The following MPZL1 variants were observed in gnomAD, a reference collection of about 807,000 sequenced individuals.
MPZL1 encodes myelin protein zero-like protein 1.
Under a neutral mutation model 29.3 loss-of-function variants are expected in MPZL1, and 16 were observed. The observed-to-expected ratio is 0.55, with a 90% CI of 0.37 to 0.83. The LOEUF is 0.83. Among genes scored for constraint, MPZL1 ranks in the 40% least tolerant of loss-of-function variants. The probability of loss-of-function intolerance (pLI) is 0.00; values close to 1 mark genes in which losing one functional copy is unlikely to be tolerated. For synonymous variants in MPZL1, 143 were observed against 132.0 expected (o/e 1.08, Z -0.57); for missense variants, 279 against 332.9 (o/e 0.84, Z 1.26).
intron 1 of MPZL1, among the ~76,000 whole-genome samples, chr1:167,722,575 C>T (rs968820810): frequency 6.6e-6 from 1 of 152,208 alleles, no homozygotes; most frequent in Non-Finnish European, 1.5e-5. Flanking sequence ...GCGCACCCTG[C>T]CCTCTCCTCG....
Position 167,790,410 on chromosome 1 carries a change from T to C in MPZL1, c.*2489T>C, listed in dbSNP as rs1661683932. The C allele has an allele frequency of 1.3e-5, 2 of 152,342 alleles. No individual in the cohort carries two copies. The highest frequency in any genetic ancestry group is 2.9e-5 in the Non-Finnish European group (2 of 68,156). The allele number at this position is 152,342 out of a possible 1,614,324, so 9.4% of individuals were successfully genotyped here. ...CCCCAGGCAAGGGCAGCTGCCAGCATGGTGCTCTGCCAGGACAGGTTTCCC... is the reference window on the plus strand; with the variant it reads ...CCCCAGGCAAGGGCAGCTGCCAGCACGGTGCTCTGCCAGGACAGGTTTCCC... On this transcript the variant is annotated 3_prime_UTR_variant, in exon 6 of 6. Transcript: ENST00000359523.
intron 2 of MPZL1, among the ~76,000 whole-genome samples, chr1:167,766,470 C>T (rs1661116736): frequency 6.6e-6 from 1 of 152,180 alleles, no homozygotes; most frequent in Admixed American, 6.5e-5. Context: ...GATAAGTGCT[C>T]AGGAGAGTGT....
intron 1 of MPZL1, among the ~76,000 whole-genome samples, chr1:167,741,574 C>T (rs1660526092): frequency 6.6e-6 from 1 of 151,984 alleles, no homozygotes; most frequent in Non-Finnish European, 1.5e-5. Flanking sequence ...ATCTGCTCGC[C>T]TCAGCCTCCC....
intron 1 of MPZL1, among the ~76,000 whole-genome samples, chr1:167,726,503 T>C (rs557394894): frequency 1.6e-4 from 24 of 152,344 alleles, no homozygotes; most frequent in African/African-American, 5.8e-4. Flanking sequence ...CATAGGCATG[T>C]CTTGACAACA....
chr1:167,752,517 G>C (rs906992194), intron 1 of MPZL1, among the ~76,000 whole-genome samples: 2 of 152,096 alleles, frequency 1.3e-5, no homozygotes, highest in Non-Finnish European at 2.9e-5. Flanking sequence ...ATCCCACTCA[G>C]AACTTAGGAC....
rs1164567500 is a variant in MPZL1, at chr1:167,744,869, C to T, written c.92-20714C>T. ...AAAACAGAATAATGTTTACTGTCATCAGTTTAAGAATAAATGTTGTGCTTA... is the reference window on the plus strand; with the variant it reads ...AAAACAGAATAATGTTTACTGTCATTAGTTTAAGAATAAATGTTGTGCTTA... On this transcript the variant is annotated intron_variant, in intron 1 of 5. Coordinates refer to ENST00000359523, the MANE Select transcript of MPZL1 (RefSeq NM_003953.6). Among the ~76,000 whole-genome samples, 4 of 152,120 alleles carry T rather than the reference C, an allele frequency of 2.6e-5. No individual in the cohort carries two copies. The East Asian group carries it at 7.7e-4, about 29-fold the overall frequency.
At chr1:167,763,500 CAA>C (rs199973930) in intron 1 of MPZL1, among the ~76,000 whole-genome samples, 17 of 110,962 alleles carry the variant, frequency 1.5e-4, no homozygotes, top group Non-Finnish European at 1.4e-4. Flanking sequence ...GACTCGGTCT[CAA>C]AAAAAAAAAA....
chr1:167,732,946 T>C (rs1025339432), intron 1 of MPZL1, among the ~76,000 whole-genome samples: 1 of 152,246 alleles, frequency 6.6e-6, no homozygotes, highest in Non-Finnish European at 1.5e-5. Flanking sequence ...TTGAAACTCC[T>C]TTAGAAATTT....
At chr1:167,778,150 A>G (rs1300283247) in intron 5 of MPZL1, among the ~76,000 whole-genome samples, 1 of 152,000 alleles carries the variant, frequency 6.6e-6, no homozygotes, top group East Asian at 1.9e-4. Context: ...GTGAAACCCT[A>G]TCTCTACTAA....
intron 1 of MPZL1, among the ~76,000 whole-genome samples, chr1:167,742,367 A>G (rs960398854): frequency 6.6e-6 from 1 of 152,146 alleles, no homozygotes; most frequent in Admixed American, 6.6e-5. Context: ...TAAATATATA[A>G]CAAGTATAAG....
At chr1:167,759,395 C>T (rs1404902525) in intron 1 of MPZL1, among the ~76,000 whole-genome samples, 3 of 152,140 alleles carry the variant, frequency 2.0e-5, no homozygotes, top group Admixed American at 6.5e-5. Context: ...TAAAAAAAGG[C>T]AGGGGAATGG....
chr1:167,755,179 T>A (rs956840928), intron 1 of MPZL1, among the ~76,000 whole-genome samples: 8 of 152,238 alleles, frequency 5.3e-5, no homozygotes, highest in African/African-American at 9.6e-5. Context: ...TCAGTATTTT[T>A]AAATTTTTAA....
chr1:167,756,429 A>ATTTTT (rs11455159), intron 1 of MPZL1, among the ~76,000 whole-genome samples: 1 of 94,630 alleles, frequency 1.1e-5, no homozygotes, highest in Non-Finnish European at 2.0e-5. Context: ...GTCTGGCCAG[A>ATTTTT]TTTTTTTTTT....
chr1:167,761,424 A>T (rs1214920425), intron 1 of MPZL1, among the ~76,000 whole-genome samples: 2 of 152,214 alleles, frequency 1.3e-5, no homozygotes, highest in African/African-American at 2.4e-5. Context: ...CTGGAGAGGG[A>T]TGCAGACAGA....
rs894369839 is a variant in MPZL1 at position 167,739,292 on chromosome 1, TATATATATATATATATAC to T, written c.91+17052_91+17069del. 1.2e-3 allele frequency among the ~76,000 whole-genome samples: 132 copies of T among 109,754 alleles called. 6 individuals are homozygous for T. The highest frequency in any genetic ancestry group is 5.7e-3 in the African/African-American group (98 of 17,330). 72.0% of individuals were successfully genotyped at this position (109,754 alleles called of 152,430 possible). A position where few individuals can be genotyped will look rare whatever the true frequency, so the allele number is the denominator to read the frequency against. On this transcript the variant is annotated intron_variant, in intron 1 of 5. Transcript: ENST00000359523. The stretch of plus-strand genomic sequence containing the variant: ...ATATATACATATATACATATATATA[TATATATATATATATATAC>T]ACATATATATATTTATGTTTATTCT...
At chr1:167,745,435 G>A (rs78597243) in intron 1 of MPZL1, among the ~76,000 whole-genome samples, 5,998 of 152,080 alleles carry the variant, frequency 0.039, 193 homozygotes, top group Middle Eastern at 0.11. Flanking sequence ...TTGAACACAG[G>A]GAATATCCTG....
At position 167,755,769 on chromosome 1, in the gene MPZL1, A is replaced by G. The variant is rs1462028267; in HGVS notation, c.92-9814A>G. 5.9e-5 allele frequency among the ~76,000 whole-genome samples: 9 copies of G among 152,174 alleles called. No homozygotes were observed. In the East Asian group the frequency reaches 1.7e-3, roughly 29 times the overall value. On this transcript the variant is annotated intron_variant, in intron 1 of 5. Coordinates refer to ENST00000359523, the MANE Select transcript of MPZL1 (RefSeq NM_003953.6). ...ACTTTGTGCATCCCAGGGGCCAGCC[A>G]CGGTGCTTCTGCAGCCGCACTGTAG...
intron 1 of MPZL1, among the ~76,000 whole-genome samples, chr1:167,754,059 G>T (rs1287213213): frequency 2.0e-5 from 3 of 151,930 alleles, no homozygotes; most frequent in South Asian, 2.1e-4. Flanking sequence ...GTGCAGTGGC[G>T]TGATCTCCGT....
intron 1 of MPZL1, among the ~76,000 whole-genome samples, chr1:167,754,761 A>G (rs1035038026): frequency 3.3e-5 from 5 of 152,190 alleles, no homozygotes; most frequent in Non-Finnish European, 1.5e-5. Flanking sequence ...ACATGTTTCA[A>G]ATCACCTGGG....
Sources: gnomAD v4.1 joint callset for allele counts (sites outside exome capture counted in the v4.1 genomes callset) on GRCh38, gnomAD v4.1.1 for gene constraint, MANE v1.5 for transcripts, NCBI Gene and HGNC (gene_info 2026-07-23, HGNC 2026-07-21) for gene names.